Variants in PLSCR2 observed in about 807,000 individuals in gnomAD.
PLSCR2 encodes phospholipid scramblase 2, also known as PL scramblase 2.
A neutral mutation model predicts 25.3 loss-of-function variants in PLSCR2; 18 were observed. That is an observed-to-expected ratio of 0.71 (90% confidence interval 0.49 to 1.06). The LOEUF is 1.06. Ranked by LOEUF, PLSCR2 falls within the 50% of genes least tolerant of loss-of-function variation. The pLI is 0.00. For missense variants in PLSCR2, 243 were observed against 269.5 expected (o/e 0.90, Z 0.69); for synonymous variants, 88 against 87.3 (o/e 1.01, Z -0.04).
downstream of PLSCR2, among the ~76,000 whole-genome samples, chr3:146,437,832 C>A: frequency 6.6e-6 from 1 of 152,052 alleles, no homozygotes; most frequent in South Asian, 2.1e-4. Flanking sequence ...AATGTGTTTG[C>A]TTTTGCTTCT....
intron 1 of PLSCR2, among the ~76,000 whole-genome samples, chr3:146,470,599 G>C (rs984316902): frequency 6.6e-6 from 1 of 152,072 alleles, no homozygotes; most frequent in Non-Finnish European, 1.5e-5. Flanking sequence ...CATATATGGA[G>C]AAAAATGAAA....
chr3:146,454,871 C>A lies in PLSCR2; in HGVS notation c.321+368G>T, dbSNP rs148044967. 2.0e-5 allele frequency among the ~76,000 whole-genome samples: 3 copies of A among 152,160 alleles called. No individual in the cohort carries two copies. The East Asian group carries it at 5.8e-4, about 29-fold the overall frequency. On this transcript the variant is annotated intron_variant, in intron 4 of 6. Transcript: ENST00000610787. ...TGTTCTTTCCTTCATTCTTTTGTCCCCATGATCCTAGAATGCTATTTTAGG... is the reference window on the plus strand; with the variant it reads ...TGTTCTTTCCTTCATTCTTTTGTCCACATGATCCTAGAATGCTATTTTAGG...
intron 1 of PLSCR2, among the ~76,000 whole-genome samples, chr3:146,472,310 G>C (rs1289396150): frequency 1.3e-5 from 2 of 152,146 alleles, no homozygotes; most frequent in Non-Finnish European, 1.5e-5. Flanking sequence ...CTAATATTTG[G>C]TTTGATTAAT....
intron 1 of PLSCR2, among the ~76,000 whole-genome samples, chr3:146,477,153 G>A (rs908645077): frequency 1.3e-5 from 2 of 152,204 alleles, no homozygotes; most frequent in Admixed American, 1.3e-4. Flanking sequence ...CTGGTCTGCA[G>A]CTCTCAGCGT....
At chr3:146,447,334 C>A (rs985276185) in intron 6 of PLSCR2, among the ~76,000 whole-genome samples, 20 of 152,166 alleles carry the variant, frequency 1.3e-4, no homozygotes, top group African/African-American at 4.8e-4. Context: ...CAAGAGTTTC[C>A]CCTAATGCCC....
exon 2 of PLSCR2, chr3:146,459,871 G>C: frequency 6.2e-7 from 1 of 1,612,968 alleles, no homozygotes; most frequent in Non-Finnish European, 8.5e-7. Context: ...TCCAATCCTG[G>C]CGGACAGTTT....
chr3:146,476,089 C>CG (rs1560046360), intron 1 of PLSCR2, among the ~76,000 whole-genome samples: 2 of 151,678 alleles, frequency 1.3e-5, no homozygotes, highest in South Asian at 2.1e-4. Flanking sequence ...GCGGGGGCGC[C>CG]GGGGGGTGCA....
At chr3:146,493,727 C>T (rs1309348390) in intron 1 of PLSCR2, among the ~76,000 whole-genome samples, 11 of 144,278 alleles carry the variant, frequency 7.6e-5, no homozygotes, top group Admixed American at 2.8e-4. Context: ...TATAGCATTT[C>T]GGGAGTCCAA....
chr3:146,398,643 C>T (rs2038357432), intron 2 of PLSCR2: 2 of 151,614 alleles, frequency 1.3e-5, no homozygotes, highest in South Asian at 4.1e-4. Flanking sequence ...GATATTACAA[C>T]TTTATTAATT....
chr3:146,483,045 T>C (rs9758862), intron 1 of PLSCR2, among the ~76,000 whole-genome samples: 48,993 of 151,484 alleles, frequency 0.32, 7,958 homozygotes, highest in South Asian at 0.4. Context: ...AAATAAAGGG[T>C]ATTCCAGTAA....
intron 1 of PLSCR2, among the ~76,000 whole-genome samples, chr3:146,470,725 A>AAGGG (rs1161009623): frequency 6.6e-6 from 1 of 152,184 alleles, no homozygotes; most frequent in East Asian, 1.9e-4. Context: ...AAGGGAATGG[A>AAGGG]AGGGAGGAAG....
chr3:146,431,048 C>T (rs1454541121), downstream of PLSCR2, among the ~76,000 whole-genome samples: 1 of 152,156 alleles, frequency 6.6e-6, no homozygotes, highest in African/African-American at 2.4e-5. Flanking sequence ...GTTAGGCCCT[C>T]ATGGAGCAGG....
intron 2 of PLSCR2, among the ~76,000 whole-genome samples, chr3:146,414,066 G>C (rs2038934749): frequency 1.3e-5 from 2 of 152,206 alleles, no homozygotes; most frequent in Non-Finnish European, 2.9e-5. Flanking sequence ...GTAGTGGAAG[G>C]CATCACATGG....
At chr3:146,492,346 A>G (rs984202250) in intron 1 of PLSCR2, among the ~76,000 whole-genome samples, 3 of 152,182 alleles carry the variant, frequency 2.0e-5, no homozygotes, top group Non-Finnish European at 4.4e-5. Context: ...AACGACAGGT[A>G]TACATTCTTC....
rs77641971 is a variant in PLSCR2 at position 146,425,440 on chromosome 3, T to C, written c.101-29519A>G. 2.3e-4 allele frequency among the ~76,000 whole-genome samples: 35 copies of C among 152,248 alleles called. 1 individual carries two copies. Among genetic ancestry groups the C allele is most frequent in the East Asian group, 1.5e-3 (8 of 5,176 alleles). On this transcript the variant is annotated intron_variant and NMD_transcript_variant, in intron 2 of 3. Coordinates refer to the PLSCR2 transcript ENST00000463633. ...CTGGTACTATGTGGCAAGTCATATG[T>C]AGAGTTTGGTACTATCTACTATTTG... is the stretch of plus-strand genomic sequence containing the variant.
chr3:146,436,143 G>T (rs1161570555), intron 8 of PLSCR2, among the ~76,000 whole-genome samples: 1 of 152,172 alleles, frequency 6.6e-6, no homozygotes, highest in African/African-American at 2.4e-5. Context: ...TCTCTGTTTT[G>T]GTACCAGTAC....
upstream of PLSCR2, among the ~76,000 whole-genome samples, chr3:146,460,951 T>C (rs1173578114): frequency 1.3e-5 from 2 of 152,132 alleles, no homozygotes; most frequent in African/African-American, 2.4e-5. Flanking sequence ...CACTCTTAGA[T>C]CTTTAGAACA....
chr3:146,490,922 G>A (rs2043527664), intron 1 of PLSCR2, among the ~76,000 whole-genome samples: 1 of 152,040 alleles, frequency 6.6e-6, no homozygotes, highest in South Asian at 2.1e-4. Flanking sequence ...AGACCTGATT[G>A]TATAGTTGCT....
intron 1 of PLSCR2, among the ~76,000 whole-genome samples, chr3:146,468,131 T>C (rs2041948982): frequency 6.6e-6 from 1 of 152,184 alleles, no homozygotes; most frequent in Non-Finnish European, 1.5e-5. Flanking sequence ...AATAGTTCCC[T>C]TACAGATCTG....
Sources: allele counts gnomAD v4.1 joint callset (sites outside exome capture counted in the v4.1 genomes callset), GRCh38; gene constraint gnomAD v4.1.1; transcripts MANE v1.5; gene names NCBI Gene and HGNC (gene_info 2026-07-23, HGNC 2026-07-21).